CNTRL: variants seen among roughly 807,000 people sequenced by gnomAD.
CNTRL encodes 110 kDa centrosomal protein.
CNTRL carries 233 observed loss-of-function variants against 303.7 expected under a neutral mutation model. The observed-to-expected ratio is 0.77, with a 90% CI of 0.69 to 0.86. The LOEUF is 0.86. Ranked by LOEUF, CNTRL falls within the 40% of genes least tolerant of loss-of-function variation. The probability of loss-of-function intolerance (pLI) is 0.00; values close to 1 mark genes in which losing one functional copy is unlikely to be tolerated. For missense variants in CNTRL, 2,524 were observed against 2,650.6 expected, an observed-to-expected ratio of 0.95 and a Z score of 1.05; for synonymous variants, 900 against 922.2, an observed-to-expected ratio of 0.98 and a Z score of 0.44.
In CNTRL at chr9:121,141,563, C is replaced by A; in HGVS notation, c.2666C>A (p.Ala889Asp). The stretch of plus-strand genomic sequence containing the variant: ...ACTGGACAAGAAGAGTTCAGGCAGG[C>A]CTGTGAGAGAGCCCTGGAAGCAAGA... ...LATGQEEFRQ[A>D]CERALEARMN... The change falls in exon 18 of 44, where the codon GCC (alanine) becomes GAC (aspartate). Residue 889 changes from alanine to aspartate, a missense_variant. Ala to Asp is a moderately radical substitution (Grantham distance 126, BLOSUM62 -2). Transcript: ENST00000373855. 1 of 1,613,982 alleles carries A rather than the reference C, an allele frequency of 6.2e-7. No individual in the cohort carries two copies. The highest frequency in any genetic ancestry group is 8.5e-7 in the Non-Finnish European group (1 of 1,179,970).
rs569886508 is a variant in CNTRL at position 121,079,763 on chromosome 9, C to T, written c.-204-543C>T. Among the ~76,000 whole-genome samples, 11 of 152,210 alleles carry T rather than the reference C, an allele frequency of 7.2e-5. No homozygotes were observed. In the South Asian group the frequency reaches 8.3e-4, roughly 11 times the overall value. On this transcript the variant is annotated intron_variant, in intron 1 of 43. Coordinates refer to ENST00000373855, the MANE Select transcript of CNTRL (RefSeq NM_007018.6). ...TCAACTTTTTAAAAACAAAAAAAGA[C>T]GGGGTTTTTATTCCTTTCAAACTAC...
rs764835008 is a variant in CNTRL at position 121,098,483 on chromosome 9, C to G, written c.719C>G (p.Thr240Ser). The part of the protein sequence containing the change: ...VVTLPHYLQF[T>S]IFHLRSLESL... Reference sequence around the variant, plus strand: ...ACCCTTCCTCATTACCTCCAGTTTACCATTTTCCACCTCCGTTCATTGGAA... The same window carrying G: ...ACCCTTCCTCATTACCTCCAGTTTAGCATTTTCCACCTCCGTTCATTGGAA... Residue 240 changes from threonine (T) to serine (S), a missense_variant, in exon 7 of 44, where the codon ACC (threonine) becomes AGC (serine). Physicochemically the swap from Thr to Ser is moderately conservative, Grantham distance 58. Transcript: ENST00000373855. The G allele has an allele frequency of 4.3e-6, 7 of 1,613,646 alleles. No homozygotes were observed. In the East Asian group the frequency reaches 8.9e-5, roughly 21 times the overall value.
At chr9:121,093,855 G>C (rs1475793076) in intron 4 of CNTRL, among the ~76,000 whole-genome samples, 3 of 152,144 alleles carry the variant, frequency 2.0e-5, no homozygotes, top group African/African-American at 4.8e-5. Flanking sequence ...AGGGCATTGG[G>C]GGAGGAGGTG....
intron 1 of CNTRL, among the ~76,000 whole-genome samples, 157 bp from the exon 2 acceptor site, chr9:121,080,148 AC>A (rs1263738261): frequency 6.6e-6 from 1 of 152,242 alleles, no homozygotes; most frequent in Non-Finnish European, 1.5e-5. Flanking sequence ...TTTTGGCTAA[AC>A]CAATTAGTTA....
chr9:121,171,673 T>G, intron 40 of CNTRL, 125 bp downstream of exon 40: 1 of 991,494 alleles, frequency 1.0e-6, no homozygotes, highest in Non-Finnish European at 1.4e-6. Context: ...AGAATGTTCT[T>G]TAAGTCAAAT....
At chr9:121,124,705 A>C (rs572245013) in intron 13 of CNTRL, among the ~76,000 whole-genome samples, 1 of 149,348 alleles carries the variant, frequency 6.7e-6, no homozygotes, top group African/African-American at 2.5e-5. Context: ...TGGGAGGCTG[A>C]GGCGGGCATA....
rs1483673421 is a variant in CNTRL at position 121,176,978 on chromosome 9, G to C, written c.6955-185G>C. Among the ~76,000 whole-genome samples the C allele has an allele frequency of 2.6e-5, 4 of 151,970 alleles. No individual in the cohort carries two copies. In the East Asian group the frequency reaches 7.7e-4, roughly 29 times the overall value. On this transcript the variant is annotated intron_variant, in intron 43 of 43. Transcript: ENST00000373855. ...TTTAATTGGAGGATCTTGAATTTTA[G>C]CAGTTTTAAGAATAACCGTTTAATT...
intron 18 of CNTRL, 161 bp downstream of exon 18, chr9:121,141,749 G>A (rs2051528878): frequency 1.4e-6 from 1 of 714,132 alleles, no homozygotes; most frequent in East Asian, 2.7e-5. Flanking sequence ...AACCCTGAAT[G>A]TGGTTATAAT....
At chr9:121,116,660 GT>G (rs1335643434) in intron 11 of CNTRL, among the ~76,000 whole-genome samples, 1 of 152,202 alleles carries the variant, frequency 6.6e-6, no homozygotes, top group African/African-American at 2.4e-5. Flanking sequence ...GCTTTAGATA[GT>G]TGAGTGGCTG....
At position 121,168,086 on chromosome 9, in the gene CNTRL, CTTTATTA is replaced by C; in HGVS notation, c.5845-9_5845-3del. On this transcript the variant is annotated splice_polypyrimidine_tract_variant and splice_region_variant and intron_variant, in intron 37 of 43. Coordinates refer to ENST00000373855, the MANE Select transcript of CNTRL (RefSeq NM_007018.6). ...TGTTTAATGACTAATCAAGATTATT[CTTTATTA>C]AGATGTTTCAGAGACTCCAGAAAGA... is the stretch of plus-strand genomic sequence containing the variant. The C allele has an allele frequency of 6.2e-7, 1 of 1,604,026 alleles. No homozygotes were observed. The highest frequency in any genetic ancestry group is 8.5e-7 in the Non-Finnish European group (1 of 1,175,210).
chr9:121,153,526 G>A (rs2052401631), intron 26 of CNTRL, among the ~76,000 whole-genome samples: 1 of 151,912 alleles, frequency 6.6e-6, no homozygotes, highest in African/African-American at 2.4e-5. Flanking sequence ...TTCTTCTCAG[G>A]TGCCCACAAT....
chr9:121,165,010 G>A lies in CNTRL; in HGVS notation c.5491G>A (p.Val1831Ile), dbSNP rs189312765. 2.3e-5 allele frequency: 37 copies of A among 1,611,860 alleles called. No individual in the cohort carries two copies. The African/African-American group carries it at 3.6e-4, about 16-fold the overall frequency. Residue 1831 changes from valine to isoleucine, a missense_variant, in exon 35 of 44, where the codon GTC (valine) becomes ATC (isoleucine). Physicochemically the swap from Val to Ile is conservative, Grantham distance 29. Coordinates refer to ENST00000373855, the MANE Select transcript of CNTRL (RefSeq NM_007018.6). ...AAACTTAGAAAAGTTGGAATTGAATGTCAGAAAACTGCAGCAGGAACTAGA... is the reference window on the plus strand; with the variant it reads ...AAACTTAGAAAAGTTGGAATTGAATATCAGAAAACTGCAGCAGGAACTAGA... ...QSNLEKLELN[V>I]RKLQQELDQL...
intron 7 of CNTRL, among the ~76,000 whole-genome samples, chr9:121,103,530 A>G (rs1016030043): frequency 6.6e-6 from 1 of 152,262 alleles, no homozygotes; most frequent in Non-Finnish European, 1.5e-5. Context: ...AATGGCAACA[A>G]AAGCCAAAAT....
At chr9:121,156,076 G>A (rs2052552554) in intron 27 of CNTRL, among the ~76,000 whole-genome samples, 1 of 151,540 alleles carries the variant, frequency 6.6e-6, no homozygotes, top group Non-Finnish European at 1.5e-5. Context: ...AAATAGATGT[G>A]AGCAGAACTA....
Position 121,152,563 on chromosome 9 carries a change from T to A in CNTRL, c.4042T>A (p.Ser1348Thr). ...KKREERWMRA[S>T]KRQSEKEMEE... ...GCGGGAAGAAAGGTGGATGAGAGCATCCAAGCGGCAGTCGGAGAAAGAAAT... is the reference window on the plus strand; with the variant it reads ...GCGGGAAGAAAGGTGGATGAGAGCAACCAAGCGGCAGTCGGAGAAAGAAAT... Residue 1348 changes from serine to threonine, a missense_variant, in exon 26 of 44, where the codon TCC becomes ACC. Ser to Thr is a moderately conservative substitution (Grantham distance 58). Transcript: ENST00000373855. The A allele has an allele frequency of 6.2e-7, 1 of 1,614,058 alleles. No individual in the cohort carries two copies. The highest frequency in any genetic ancestry group is 8.5e-7 in the Non-Finnish European group (1 of 1,179,986).
At chr9:121,090,901 G>A (rs557534940) in intron 4 of CNTRL, among the ~76,000 whole-genome samples, 54 of 152,334 alleles carry the variant, frequency 3.5e-4, no homozygotes, top group African/African-American at 1.2e-3. Flanking sequence ...AGTTTCACGT[G>A]GCTGGGGAAG....
In CNTRL at chr9:121,096,555, A is replaced by T; in HGVS notation, c.613A>T (p.Ile205Leu). 1 of 1,464,874 alleles carries T rather than the reference A, an allele frequency of 6.8e-7. No individual in the cohort carries two copies. The highest frequency in any genetic ancestry group is 9.1e-7 in the Non-Finnish European group (1 of 1,096,224). The allele number at this position is 1,464,874 out of a possible 1,614,324, so 90.7% of individuals were successfully genotyped here. Reference protein sequence around the residue: ...LRVLNLKGNKISSLQDISKLK... With the variant: ...LRVLNLKGNKLSSLQDISKLK... ...AGTCCTCAATTTGAAAGGCAACAAG[A>T]TATCATCGGTAAGTTATTCAAAATA... Residue 205 changes from isoleucine to leucine, a missense_variant, in exon 6 of 44, where the codon ATA becomes TTA. By Grantham distance (5) the Ile-to-Leu change is conservative (BLOSUM62 2). Transcript: ENST00000373855.
chr9:121,093,109 A>G (rs1439218920), intron 4 of CNTRL, among the ~76,000 whole-genome samples: 1 of 151,624 alleles, frequency 6.6e-6, no homozygotes, highest in East Asian at 1.9e-4. Context: ...GCCCTGCCAT[A>G]TATTTATTTG....
At chr9:121,097,944 C>T (rs2048962095) in intron 6 of CNTRL, among the ~76,000 whole-genome samples, 1 of 152,114 alleles carries the variant, frequency 6.6e-6, no homozygotes, top group African/African-American at 2.4e-5. Context: ...AATTATAGCA[C>T]AGTTATCTGA....
Sources: gnomAD v4.1 joint callset for allele counts (sites outside exome capture counted in the v4.1 genomes callset) on GRCh38, gnomAD v4.1.1 for gene constraint, MANE v1.5 for transcripts, NCBI Gene and HGNC (gene_info 2026-07-23, HGNC 2026-07-21) for gene names.